The following MCM9 variants were observed in gnomAD, a reference collection of about 807,000 sequenced individuals.
The protein encoded by MCM9 is minichromosome maintenance 9 homologous recombination repair factor.
Under a neutral mutation model 72.8 loss-of-function variants are expected in MCM9, and 55 were observed. That is an observed-to-expected ratio of 0.76 (90% CI 0.61 to 0.95). The LOEUF (loss-of-function observed/expected upper bound fraction) is 0.95, where lower values mean the gene tolerates loss of function less well. MCM9 is among the 40% of genes least tolerant of loss of function. The pLI, the probability that MCM9 is intolerant of heterozygous loss-of-function variation, is 0.00. For synonymous variants in MCM9, 480 were observed against 503.4 expected (o/e 0.95, Z 0.62); for missense variants, 1,279 against 1,377.0 (o/e 0.93, Z 1.13).
At chr6:118,825,873 C>T (rs546529604) in intron 13 of MCM9, among the ~76,000 whole-genome samples, 40 of 152,164 alleles carry the variant, frequency 2.6e-4, no homozygotes, top group African/African-American at 9.2e-4. Flanking sequence ...ACAAGCTATC[C>T]CCACCGAGCC....
chr6:118,894,060 C>T, intron 8 of MCM9: 1 of 1,069,460 alleles, frequency 9.4e-7, no homozygotes, highest in Non-Finnish European at 1.1e-6. Flanking sequence ...TCCACACCAG[C>T]AGGTGGAGCC....
Position 118,815,620 on chromosome 6 carries a change from G to C in MCM9, c.2636C>G (p.Thr879Ser). The stretch of plus-strand genomic sequence containing the variant: ...CATTCTGTCTGGGCTATGTACAGGA[G>C]TGGACTGAGGATGGGAAGGGACTGT... Reference protein sequence around the residue: ...QCTVPSHPQSTPVHSPDRMLD... With the variant: ...QCTVPSHPQSSPVHSPDRMLD... Residue 879 changes from threonine to serine, a missense_variant, in exon 14 of 14, where the codon ACT becomes AGT. Transcript: ENST00000619706. The C allele has an allele frequency of 3.9e-6, 6 of 1,550,514 alleles. No homozygotes were observed. In the East Asian group the frequency reaches 1.2e-4, roughly 32 times the overall value.
At chr6:118,921,828 T>A in intron 5 of MCM9, 177 bp downstream of exon 5, 4 of 540,702 alleles carry the variant, frequency 7.4e-6, no homozygotes, top group Non-Finnish European at 1.3e-5. Flanking sequence ...GTTGTATAGA[T>A]CTAGCCCAGC....
chr6:118,860,649 T>G (rs1034250002), intron 8 of MCM9, among the ~76,000 whole-genome samples: 2 of 151,724 alleles, frequency 1.3e-5, no homozygotes, highest in African/African-American at 4.8e-5. Flanking sequence ...AACCCTACAC[T>G]CAAGCACATT....
chr6:118,885,640 G>A (rs1778551166), intron 8 of MCM9, among the ~76,000 whole-genome samples: 1 of 152,062 alleles, frequency 6.6e-6, no homozygotes, highest in African/African-American at 2.4e-5. Flanking sequence ...AACCTGAATA[G>A]ACTATAAACA....
chr6:118,895,210 GCGC>G (rs1779298928), intron 8 of MCM9, among the ~76,000 whole-genome samples: 1 of 151,968 alleles, frequency 6.6e-6, no homozygotes, highest in South Asian at 2.1e-4. Context: ...CGCGGGCTGG[GCGC>G]CGGCGCTCCC....
intron 8 of MCM9, among the ~76,000 whole-genome samples, chr6:118,881,662 T>A (rs968171124): frequency 2.6e-5 from 4 of 152,232 alleles, no homozygotes; most frequent in African/African-American, 9.6e-5. Context: ...GTTTCACTTC[T>A]GCAATGGCAG....
At chr6:118,831,340 CAAAAAAAAAAAAA>C (rs869238859) in intron 9 of MCM9, among the ~76,000 whole-genome samples, 1 of 71,416 alleles carries the variant, frequency 1.4e-5, no homozygotes, top group African/African-American at 5.7e-5. Flanking sequence ...GAGACCATCT[CAAAAAAAAAAAAA>C]AAAAAAAAGT....
intron 9 of MCM9, among the ~76,000 whole-genome samples, chr6:118,852,614 A>C (rs904180928): frequency 2.6e-5 from 4 of 152,254 alleles, no homozygotes; most frequent in African/African-American, 9.6e-5. Context: ...GTTACCAAGC[A>C]GGGAAGAGAT....
chr6:118,864,038 T>A (rs1232903732), intron 8 of MCM9, among the ~76,000 whole-genome samples: 2 of 151,998 alleles, frequency 1.3e-5, no homozygotes, highest in African/African-American at 4.8e-5. Flanking sequence ...CTATAAGATG[T>A]TTACACAAAA....
chr6:118,839,147 C>T (rs1470119631), intron 9 of MCM9, among the ~76,000 whole-genome samples: 4 of 151,822 alleles, frequency 2.6e-5, no homozygotes, highest in Non-Finnish European at 5.9e-5. Context: ...TCTCTAATCT[C>T]ATCTTCACGC....
intron 8 of MCM9, among the ~76,000 whole-genome samples, chr6:118,896,781 A>G (rs1779445887): frequency 6.6e-6 from 1 of 152,176 alleles, no homozygotes. Flanking sequence ...AATAGGTTCC[A>G]TACTTTTATA....
chr6:118,894,550 T>G (rs1779210901), intron 8 of MCM9: 2 of 1,510,266 alleles, frequency 1.3e-6, no homozygotes, highest in African/African-American at 1.4e-5. Context: ...GCGCCCGGGC[T>G]GTCAGTTGCG....
In MCM9 at chr6:118,829,081, G is replaced by A. The variant is rs939087744; in HGVS notation, c.1495C>T (p.Arg499Cys). 37 of 1,550,448 alleles carry A rather than the reference G, an allele frequency of 2.4e-5. No homozygotes were observed. The highest frequency in any genetic ancestry group is 4.1e-5 in the African/African-American group (3 of 73,004). The change falls in exon 10 of 14, where the codon CGT (arginine) becomes TGT (cysteine). Residue 499 changes from arginine to cysteine, a missense_variant. Physicochemically the swap from Arg to Cys is radical, Grantham distance 180. Coordinates refer to ENST00000619706, the MANE Select transcript of MCM9 (RefSeq NM_017696.3). ...LLDTKNEDWDRIISSFILENK... is the reference protein window; with the variant it reads ...LLDTKNEDWDCIISSFILENK... ...TCTAAGATAAAGGAGGAAATGATAC[G>A]ATCCCAGTCTTCATTCTTGGTATCA... is the stretch of plus-strand genomic sequence containing the variant.
chr6:118,893,969 C>T (rs1346034038), intron 8 of MCM9: 26 of 941,586 alleles, frequency 2.8e-5, no homozygotes, highest in Non-Finnish European at 3.1e-5. Flanking sequence ...CCCTCCGCCC[C>T]TCTCCGCGCC....
At chr6:118,923,400 T>A (rs1338786461) in intron 4 of MCM9, among the ~76,000 whole-genome samples, 1 of 151,982 alleles carries the variant, frequency 6.6e-6, no homozygotes, top group African/African-American at 2.4e-5. Flanking sequence ...TCTTCCTGCC[T>A]CAGCTTCCTG....
At chr6:118,892,676 A>G (rs1433439139) in intron 8 of MCM9, among the ~76,000 whole-genome samples, 2 of 152,244 alleles carry the variant, frequency 1.3e-5, no homozygotes, top group Non-Finnish European at 2.9e-5. Flanking sequence ...ATCAGCCACA[A>G]AAATCTGTGT....
chr6:118,844,712 CT>C (rs200910914), intron 9 of MCM9, among the ~76,000 whole-genome samples: 11,435 of 151,744 alleles, frequency 0.075, 806 homozygotes, highest in East Asian at 0.19. Context: ...CCTCGCCATC[CT>C]TTTTGCCTGT....
In MCM9 at chr6:118,910,567, A is replaced by G. The variant is rs1360554031; in HGVS notation, c.1150+1083T>C. The G allele has an allele frequency of 4.1e-6, 4 of 964,000 alleles. No individual in the cohort carries two copies. In the African/African-American group the frequency reaches 7.1e-5, roughly 17 times the overall value. 59.7% of individuals were successfully genotyped at this position (964,000 alleles called of 1,614,324 possible). On this transcript the variant is annotated intron_variant, in intron 8 of 13. Coordinates refer to ENST00000619706, the MANE Select transcript of MCM9 (RefSeq NM_017696.3). ...GCTTGGACTCATTTCTTGACACTCT[A>G]CATAATTACTTAGGAAACATTCCAC...
Sources: allele counts gnomAD v4.1 joint callset (sites outside exome capture counted in the v4.1 genomes callset), GRCh38; gene constraint gnomAD v4.1.1; transcripts MANE v1.5; gene names NCBI Gene and HGNC (gene_info 2026-07-23, HGNC 2026-07-21).